The following SGCZ variants were observed in gnomAD, a reference collection of about 807,000 sequenced individuals.
SGCZ encodes the protein sarcoglycan zeta, also known as zeta-sarcoglycan.
A neutral mutation model predicts 41.3 loss-of-function variants in SGCZ; 40 were observed. The ratio of observed to expected loss-of-function variants is 0.97; its 90% CI spans 0.75 to 1.26. The LOEUF (loss-of-function observed/expected upper bound fraction) is 1.26. Ranked by LOEUF, SGCZ falls within the 50% of genes most tolerant of loss-of-function variation. SGCZ has a pLI of 0.00. For synonymous variants in SGCZ, 206 were observed against 137.5 expected (o/e 1.50, Z -3.49); for missense variants, 552 against 369.8 (o/e 1.49, Z -4.04).
chr8:14,861,046 G>T (rs1456831208), intron 1 of SGCZ, among the ~76,000 whole-genome samples: 1 of 152,148 alleles, frequency 6.6e-6, no homozygotes, highest in Non-Finnish European at 1.5e-5. Context: ...GCACAGAATT[G>T]CAGTGAGCTC....
intron 4 of SGCZ, among the ~76,000 whole-genome samples, chr8:14,224,026 A>T (rs1359463687): frequency 6.6e-6 from 1 of 152,204 alleles, no homozygotes; most frequent in Admixed American, 6.5e-5. Flanking sequence ...GGACACCCTC[A>T]ACTTGTACCT....
chr8:15,065,839 C>T (rs921732302), intron 1 of SGCZ, among the ~76,000 whole-genome samples: 35 of 152,114 alleles, frequency 2.3e-4, no homozygotes, highest in African/African-American at 7.5e-4. Flanking sequence ...GCACTTAGCA[C>T]GTGGTAGGGC....
At chr8:14,096,914 A>C (rs10103999) in intron 7 of SGCZ, among the ~76,000 whole-genome samples, 32,457 of 151,458 alleles carry the variant, frequency 0.21, 3,652 homozygotes, top group Middle Eastern at 0.27. Context: ...ATTATTCTCT[A>C]GTAGTTTGTA....
intron 2 of SGCZ, among the ~76,000 whole-genome samples, chr8:14,467,684 C>A (rs1801090954): frequency 6.6e-6 from 1 of 152,054 alleles, no homozygotes; most frequent in Non-Finnish European, 1.5e-5. Flanking sequence ...TAATTATTCT[C>A]TAGTTCTGAA....
intron 2 of SGCZ, among the ~76,000 whole-genome samples, chr8:14,461,873 G>A (rs1016563136): frequency 2.0e-5 from 3 of 152,034 alleles, no homozygotes; most frequent in African/African-American, 7.2e-5. Context: ...ATGCACAGGA[G>A]TTATTGAGAC....
intron 1 of SGCZ, among the ~76,000 whole-genome samples, chr8:15,003,056 G>T (rs897597353): frequency 6.6e-6 from 1 of 152,068 alleles, no homozygotes; most frequent in Non-Finnish European, 1.5e-5. Flanking sequence ...CCGTGATTGT[G>T]AGGCCTCCCC....
intron 3 of SGCZ, among the ~76,000 whole-genome samples, chr8:14,277,022 T>G (rs111308231): frequency 0.012 from 1,854 of 152,320 alleles, 20 homozygotes; most frequent in South Asian, 0.028. Flanking sequence ...ACTTTCATTT[T>G]CAATAAATCT....
At chr8:15,031,651 G>C (rs1172694478) in intron 1 of SGCZ, among the ~76,000 whole-genome samples, 1 of 152,070 alleles carries the variant, frequency 6.6e-6, no homozygotes, top group African/African-American at 2.4e-5. Flanking sequence ...CAGGGGAAGC[G>C]CTCTTGCCAG....
intron 1 of SGCZ, among the ~76,000 whole-genome samples, chr8:14,677,276 A>G (rs946146542): frequency 2.0e-5 from 3 of 152,014 alleles, no homozygotes; most frequent in African/African-American, 7.2e-5. Flanking sequence ...TATAAAGAAA[A>G]TTATAAGACT....
rs189714012 is a variant in SGCZ at position 15,003,542 on chromosome 8, C to A, written c.39+234043G>T. The stretch of plus-strand genomic sequence containing the variant: ...TGCAAAATAAGTTAGTCAAACCATA[C>A]AATTAAAAAGTAGAAAATGGAATGT... On this transcript the variant is annotated intron_variant, in intron 1 of 7. Transcript: ENST00000382080. 7.8e-4 allele frequency among the ~76,000 whole-genome samples: 119 copies of A among 152,128 alleles called. 2 individuals are homozygous for A. Among genetic ancestry groups the A allele is most frequent in the Admixed American group, 1.0e-3 (16 of 15,278 alleles).
intron 1 of SGCZ, among the ~76,000 whole-genome samples, chr8:14,792,227 A>G (rs529771764): frequency 5.3e-5 from 8 of 152,372 alleles, no homozygotes; most frequent in Middle Eastern, 3.4e-3. Flanking sequence ...TTTTACGGTT[A>G]TAACATATGT....
intron 1 of SGCZ, among the ~76,000 whole-genome samples, chr8:15,177,522 T>C (rs968475792): frequency 1.3e-5 from 2 of 152,198 alleles, no homozygotes; most frequent in African/African-American, 2.4e-5. Context: ...ATGGGAGGCA[T>C]TGTAAATGAT....
chr8:15,003,111 G>A (rs144300704), intron 1 of SGCZ, among the ~76,000 whole-genome samples: 1 of 152,200 alleles, frequency 6.6e-6, no homozygotes, highest in African/African-American at 2.4e-5. Flanking sequence ...GAGGTATATT[G>A]TCATGGTGAA....
Position 14,412,219 on chromosome 8 carries a change from A to G in SGCZ, c.235-88015T>C, listed in dbSNP as rs911670049. ...GGAATGCAAACCTTAACTCTATGAT[A>G]TTGAGAAAAGAAGCCTCAGTTTCCT... On this transcript the variant is annotated intron_variant, in intron 2 of 7. Coordinates refer to ENST00000382080, the MANE Select transcript of SGCZ (RefSeq NM_139167.4). 1.3e-5 allele frequency among the ~76,000 whole-genome samples: 2 copies of G among 152,126 alleles called. 1 individual carries two copies. The highest frequency in any genetic ancestry group is 4.1e-4 in the South Asian group (2 of 4,834).
intron 4 of SGCZ, among the ~76,000 whole-genome samples, chr8:14,218,893 C>A (rs1241986929): frequency 2.6e-5 from 4 of 152,150 alleles, no homozygotes; most frequent in Non-Finnish European, 5.9e-5. Context: ...CCATTGAAGT[C>A]TACGACCACC....
At chr8:15,064,931 T>C (rs1469263067) in intron 1 of SGCZ, among the ~76,000 whole-genome samples, 4 of 152,172 alleles carry the variant, frequency 2.6e-5, no homozygotes, top group Admixed American at 1.3e-4. Context: ...CTACTTGACA[T>C]CAGTTGCGGT....
At chr8:15,106,892 C>A (rs1231799956) in intron 1 of SGCZ, among the ~76,000 whole-genome samples, 3 of 151,284 alleles carry the variant, frequency 2.0e-5, no homozygotes, top group Non-Finnish European at 3.0e-5. Flanking sequence ...TTCTCAACTT[C>A]TGTTATAGTC....
At chr8:14,766,111 T>C (rs1800026583) in intron 1 of SGCZ, among the ~76,000 whole-genome samples, 1 of 151,882 alleles carries the variant, frequency 6.6e-6, no homozygotes, top group African/African-American at 2.4e-5. Context: ...TACAGGTATG[T>C]GCCACCACAC....
chr8:14,685,306 G>T (rs1371639411), intron 1 of SGCZ, among the ~76,000 whole-genome samples: 1 of 151,940 alleles, frequency 6.6e-6, no homozygotes, highest in Non-Finnish European at 1.5e-5. Flanking sequence ...CAATTACAGA[G>T]TAAAAAAGAT....
Sources: allele counts gnomAD v4.1 joint callset (sites outside exome capture counted in the v4.1 genomes callset), GRCh38; gene constraint gnomAD v4.1.1; transcripts MANE v1.5; gene names NCBI Gene and HGNC (gene_info 2026-07-23, HGNC 2026-07-21).